The following PIP4K2A variants were observed in gnomAD, a reference collection of about 807,000 sequenced individuals.
PIP4K2A encodes the protein phosphatidylinositol-5-phosphate 4-kinase type 2 alpha, also known as phosphatidylinositol 5-phosphate 4-kinase type-2 alpha.
A neutral mutation model predicts 42.9 loss-of-function variants in PIP4K2A; 14 were observed. The observed-to-expected ratio is 0.33, with a 90% confidence interval of 0.22 to 0.51. PIP4K2A has a LOEUF of 0.51. Among genes scored for constraint, PIP4K2A ranks in the 20% least tolerant of loss-of-function variants. The pLI is 0.97. For missense variants in PIP4K2A, 434 were observed against 519.8 expected, an observed-to-expected ratio of 0.83 and a Z score of 1.61; for synonymous variants, 192 against 192.2, an observed-to-expected ratio of 1.00 and a Z score of 0.01.
intron 1 of PIP4K2A, among the ~76,000 whole-genome samples, chr10:22,703,765 A>G (rs1260085175): frequency 1.3e-5 from 2 of 152,218 alleles, no homozygotes. Flanking sequence ...ATGCCGGGAG[A>G]CCAAACAGGA....
At chr10:22,547,190 T>C (rs1399384706) in intron 7 of PIP4K2A, among the ~76,000 whole-genome samples, 2 of 152,212 alleles carry the variant, frequency 1.3e-5, no homozygotes, top group African/African-American at 2.4e-5. Flanking sequence ...TCTCCCAACA[T>C]ATCTGTGAAG....
At chr10:22,660,965 G>A (rs1038873909) in intron 1 of PIP4K2A, among the ~76,000 whole-genome samples, 2 of 152,142 alleles carry the variant, frequency 1.3e-5, no homozygotes, top group African/African-American at 2.4e-5. Flanking sequence ...TTCATCAATT[G>A]TAACAAACAA....
chr10:22,663,013 G>A (rs890158143), intron 1 of PIP4K2A, among the ~76,000 whole-genome samples: 3 of 152,208 alleles, frequency 2.0e-5, no homozygotes, highest in African/African-American at 7.2e-5. Context: ...CCAAAAATCT[G>A]GAATTAGATG....
chr10:22,705,547 C>T (rs1833807339), intron 1 of PIP4K2A, among the ~76,000 whole-genome samples: 1 of 151,490 alleles, frequency 6.6e-6, no homozygotes. Flanking sequence ...CAGCTTGGCC[C>T]CCTCCCACCA....
intron 3 of PIP4K2A, among the ~76,000 whole-genome samples, chr10:22,593,815 C>T (rs1029535111): frequency 6.6e-6 from 1 of 152,192 alleles, no homozygotes; most frequent in Non-Finnish European, 1.5e-5. Context: ...GTGGAACAGA[C>T]CTTAAACTCT....
At chr10:22,570,175 C>T (rs944785585) in intron 5 of PIP4K2A, among the ~76,000 whole-genome samples, 5 of 152,134 alleles carry the variant, frequency 3.3e-5, no homozygotes, top group African/African-American at 9.7e-5. Context: ...TCATTAACTC[C>T]CATATGCCAT....
chr10:22,546,625 G>A (rs552622225), intron 7 of PIP4K2A, among the ~76,000 whole-genome samples: 1 of 152,072 alleles, frequency 6.6e-6, no homozygotes, highest in Non-Finnish European at 1.5e-5. Context: ...TGCCCAGGCT[G>A]TTCTCAAACT....
At chr10:22,554,347 C>A (rs2130766465) in intron 6 of PIP4K2A, among the ~76,000 whole-genome samples, 1 of 152,284 alleles carries the variant, frequency 6.6e-6, no homozygotes, top group East Asian at 1.9e-4. Context: ...TGGTGTAAAA[C>A]TGCCTACAAA....
intron 5 of PIP4K2A, among the ~76,000 whole-genome samples, chr10:22,569,725 T>C (rs1836938307): frequency 1.3e-5 from 2 of 152,146 alleles, no homozygotes; most frequent in Non-Finnish European, 2.9e-5. Flanking sequence ...ACCCTGCTTC[T>C]GATTCTCAGG....
chr10:22,612,691 G>A (rs563593894), intron 1 of PIP4K2A, among the ~76,000 whole-genome samples: 3 of 152,260 alleles, frequency 2.0e-5, no homozygotes, highest in Admixed American at 1.3e-4. Flanking sequence ...AGAAATGTAG[G>A]GAAAGATGGA....
At chr10:22,539,875 C>G in intron 9 of PIP4K2A, 96 bp downstream of exon 9, 2 of 782,210 alleles carry the variant, frequency 2.6e-6, no homozygotes, top group East Asian at 2.4e-5. Context: ...ACAGGTCACA[C>G]AGAGGAGCCA....
intron 1 of PIP4K2A, among the ~76,000 whole-genome samples, chr10:22,647,543 C>A (rs971257736): frequency 1.3e-5 from 2 of 152,110 alleles, no homozygotes; most frequent in Non-Finnish European, 2.9e-5. Flanking sequence ...GAGATCTACA[C>A]AACATGGACA....
At chr10:22,614,265 G>A (rs1021961779) in intron 1 of PIP4K2A, among the ~76,000 whole-genome samples, 1 of 152,148 alleles carries the variant, frequency 6.6e-6, no homozygotes, top group Non-Finnish European at 1.5e-5. Context: ...AAAATCAAAT[G>A]GTTTACATGG....
chr10:22,629,623 T>G (rs374870768), intron 1 of PIP4K2A, among the ~76,000 whole-genome samples: 3 of 152,314 alleles, frequency 2.0e-5, no homozygotes, highest in East Asian at 3.9e-4. Context: ...CTATTTCCAC[T>G]GAGGAGGTAG....
At chr10:22,664,166 T>TACAC (rs765288700) in intron 1 of PIP4K2A, among the ~76,000 whole-genome samples, 1 of 67,320 alleles carries the variant, frequency 1.5e-5, no homozygotes, top group Non-Finnish European at 2.5e-5. Context: ...TATATATATA[T>TACAC]ACATATATAT....
intron 1 of PIP4K2A, among the ~76,000 whole-genome samples, chr10:22,653,085 C>CA (rs956135080): frequency 4.7e-5 from 7 of 150,318 alleles, no homozygotes; most frequent in African/African-American, 7.4e-5. Flanking sequence ...CAGAGTATCT[C>CA]AAAAAAAAGA....
At chr10:22,545,727 T>C (rs879330176) in intron 7 of PIP4K2A, among the ~76,000 whole-genome samples, 11 of 152,178 alleles carry the variant, frequency 7.2e-5, no homozygotes, top group Non-Finnish European at 2.9e-5. Context: ...GTTTAAGAGA[T>C]GGGATCTTGC....
At chr10:22,571,098 T>C (rs1836975815) in intron 5 of PIP4K2A, among the ~76,000 whole-genome samples, 1 of 152,202 alleles carries the variant, frequency 6.6e-6, no homozygotes, top group African/African-American at 2.4e-5. Context: ...AGCACTTCTG[T>C]TTATAAAGAA....
chr10:22,700,300 C>T (rs1490559297), intron 1 of PIP4K2A, among the ~76,000 whole-genome samples: 14 of 152,192 alleles, frequency 9.2e-5, no homozygotes, highest in Non-Finnish European at 1.5e-5. Flanking sequence ...AGTGAATCTG[C>T]ATTATAGAAG....
Sources: allele counts gnomAD v4.1 joint callset (sites outside exome capture counted in the v4.1 genomes callset), GRCh38; gene constraint gnomAD v4.1.1; transcripts MANE v1.5; gene names NCBI Gene and HGNC (gene_info 2026-07-23, HGNC 2026-07-21).